LRRC17: variants seen among roughly 807,000 people sequenced by gnomAD.
LRRC17 encodes the protein leucine rich repeat containing 17.
A neutral mutation model predicts 41.5 loss-of-function variants in LRRC17; 33 were observed. That is an observed-to-expected ratio of 0.80 (90% CI 0.60 to 1.06). The LOEUF (loss-of-function observed/expected upper bound fraction) is 1.06, where lower values mean the gene tolerates loss of function less well. Ranked by LOEUF, LRRC17 falls within the 50% of genes least tolerant of loss-of-function variation. The pLI is 0.00. For missense variants in LRRC17, 491 were observed against 519.3 expected (o/e 0.95, Z 0.53); for synonymous variants, 192 against 197.0 (o/e 0.97, Z 0.21).
chr7:102,934,717 G>C lies in LRRC17; in HGVS notation c.772+32G>C, dbSNP rs557836390. The C allele has an allele frequency of 4.6e-6, 7 of 1,523,000 alleles. No individual in the cohort carries two copies. The South Asian group carries it at 9.0e-5, about 19-fold the overall frequency. 94.3% of individuals were successfully genotyped at this position (1,523,000 alleles called of 1,614,324 possible). On this transcript the variant is annotated intron_variant, in intron 2 of 3. Coordinates refer to ENST00000339431, the MANE Select transcript of LRRC17 (RefSeq NM_001031692.3). ...ACTTTTCTTACTTTTTCATTTTCAT[G>C]AATAACTTGAAATGCTCTTTGAATC...
rs1822042359 is a variant in LRRC17 at position 102,944,286 on chromosome 7, A to G, written c.1005A>G (p.Val335=). The G allele has an allele frequency of 6.2e-7, 1 of 1,613,918 alleles. No homozygotes were observed. The highest frequency in any genetic ancestry group is 8.5e-7 in the Non-Finnish European group (1 of 1,179,918). ...NNSLQNFDYG[V]LEDLYFLKLL... The stretch of plus-strand genomic sequence containing the variant: ...GTCTGCAAAACTTTGACTATGGCGT[A>G]TTAGAAGACTTGTATTTTTTGAAAC... Residue 335 remains valine, a synonymous_variant, in exon 4 of 4, where the codon GTA becomes GTG. Coordinates refer to ENST00000339431, the MANE Select transcript of LRRC17 (RefSeq NM_001031692.3).
At chr7:102,928,476 G>A (rs556420772) in intron 1 of LRRC17, among the ~76,000 whole-genome samples, 5 of 152,242 alleles carry the variant, frequency 3.3e-5, no homozygotes, top group East Asian at 3.9e-4. Flanking sequence ...CCCAGTCTAC[G>A]TCTCAAAGGG....
intron 2 of LRRC17, among the ~76,000 whole-genome samples, chr7:102,938,755 A>C (rs981126357): frequency 6.6e-6 from 1 of 152,226 alleles, no homozygotes; most frequent in African/African-American, 2.4e-5. Context: ...TGAAGTTCTA[A>C]GGTAAAAGAA....
chr7:102,927,322 T>C (rs1403564372), intron 1 of LRRC17, among the ~76,000 whole-genome samples: 1 of 152,170 alleles, frequency 6.6e-6, no homozygotes, highest in African/African-American at 2.4e-5. Context: ...CCAGAAAGAA[T>C]AGACCACTGC....
chr7:102,934,356 T>G lies in LRRC17; in HGVS notation c.443T>G (p.Val148Gly), dbSNP rs1291301255. 1.9e-6 allele frequency: 3 copies of G among 1,614,104 alleles called. No individual in the cohort carries two copies. The East Asian group carries it at 6.7e-5, about 36-fold the overall frequency. Residue 148 changes from valine (V) to glycine (G), a missense_variant, in exon 2 of 4, where the codon GTG (valine) becomes GGG (glycine). Physicochemically the swap from Val to Gly is moderately radical, Grantham distance 109. Coordinates refer to ENST00000339431, the MANE Select transcript of LRRC17 (RefSeq NM_001031692.3). ...CAGATCAAAGTCTTGACGGAGGAAG[T>G]GTTCATTTACACACCTCTCTTGAGC... ...HNQIKVLTEE[V>G]FIYTPLLSYL...
At chr7:102,927,843 G>A (rs1172445052) in intron 1 of LRRC17, among the ~76,000 whole-genome samples, 4 of 152,218 alleles carry the variant, frequency 2.6e-5, no homozygotes, top group East Asian at 1.9e-4. Flanking sequence ...GAATAACCAC[G>A]TGTGGCACTG....
chr7:102,944,280 T>C lies in LRRC17; in HGVS notation c.999T>C (p.Tyr333=), dbSNP rs758718590. Residue 333 remains tyrosine, a synonymous_variant, in exon 4 of 4, where the codon TAT becomes TAC. Coordinates refer to ENST00000339431, the MANE Select transcript of LRRC17 (RefSeq NM_001031692.3). Reference sequence around the variant, plus strand: ...ACAACAGTCTGCAAAACTTTGACTATGGCGTATTAGAAGACTTGTATTTTT... The same window carrying C: ...ACAACAGTCTGCAAAACTTTGACTACGGCGTATTAGAAGACTTGTATTTTT... ...LSNNSLQNFD[Y]GVLEDLYFLK... is the part of the protein sequence containing the mutation. 7 of 1,613,922 alleles carry C rather than the reference T, an allele frequency of 4.3e-6. No individual in the cohort carries two copies. Among genetic ancestry groups the C allele is most frequent in the East Asian group, 2.2e-5 (1 of 44,872 alleles).
chr7:102,914,317 C>T (rs1211890643), intron 1 of LRRC17, among the ~76,000 whole-genome samples: 1 of 152,236 alleles, frequency 6.6e-6, no homozygotes, highest in Non-Finnish European at 1.5e-5. Flanking sequence ...AGGTGATCCA[C>T]CCGCCTTGGC....
intron 2 of LRRC17, among the ~76,000 whole-genome samples, chr7:102,935,443 T>A (rs1449514610): frequency 1.3e-5 from 2 of 151,970 alleles, no homozygotes; most frequent in Non-Finnish European, 2.9e-5. Flanking sequence ...TTACCCAGAA[T>A]AAAACAATAA....
rs537835923 is a variant in LRRC17 at position 102,929,200 on chromosome 7, T to C, written c.-140-4574T>C. Among the ~76,000 whole-genome samples, 6 of 152,300 alleles carry C rather than the reference T, an allele frequency of 3.9e-5. No individual in the cohort carries two copies. The East Asian group carries it at 1.2e-3, about 29-fold the overall frequency. On this transcript the variant is annotated intron_variant, in intron 1 of 3. Coordinates refer to ENST00000339431, the MANE Select transcript of LRRC17 (RefSeq NM_001031692.3). ...TAATGCCTTCCATGTTTTGAAAAGATGTTTTACTGTGGAAATGGGATGGAT... is the reference window on the plus strand; with the variant it reads ...TAATGCCTTCCATGTTTTGAAAAGACGTTTTACTGTGGAAATGGGATGGAT...
Position 102,937,919 on chromosome 7 carries a change from G to A in LRRC17, c.773-1511G>A, listed in dbSNP as rs567677376. The stretch of plus-strand genomic sequence containing the variant: ...ATTCCCCAACTCGGAGTTGAGACTT[G>A]CCCAGCTGACTTGCAATGAGTCAGA... On this transcript the variant is annotated intron_variant, in intron 2 of 3. Transcript: ENST00000339431. 2.0e-5 allele frequency among the ~76,000 whole-genome samples: 3 copies of A among 152,302 alleles called. No individual in the cohort carries two copies. The East Asian group carries it at 5.8e-4, about 29-fold the overall frequency.
chr7:102,914,009 C>T (rs981427605), intron 1 of LRRC17, among the ~76,000 whole-genome samples: 10 of 152,144 alleles, frequency 6.6e-5, no homozygotes, highest in Non-Finnish European at 1.2e-4. Flanking sequence ...TACTACCATA[C>T]GAGGGCTCGC....
At chr7:102,939,726 T>A in intron 3 of LRRC17, 141 bp downstream of exon 3, 1 of 772,854 alleles carries the variant, frequency 1.3e-6, no homozygotes, top group South Asian at 2.7e-5. Context: ...AACATGACAC[T>A]TATACTAGGA....
At position 102,924,194 on chromosome 7, in the gene LRRC17, C is replaced by T. The variant is rs1414047676; in HGVS notation, c.-140-9580C>T. Among the ~76,000 whole-genome samples, 6 of 150,230 alleles carry T rather than the reference C, an allele frequency of 4.0e-5. No homozygotes were observed. The East Asian group carries it at 7.8e-4, about 20-fold the overall frequency. On this transcript the variant is annotated intron_variant, in intron 1 of 3. Transcript: ENST00000339431. ...CGAAGGTTGCGGTGAGCTGAGATTG[C>T]GCCATTGCACTCCACCCTGGGCAAC...
chr7:102,932,686 C>CCAGGCT (rs1819452176), intron 1 of LRRC17, among the ~76,000 whole-genome samples: 1 of 144,424 alleles, frequency 6.9e-6, no homozygotes, highest in African/African-American at 2.5e-5. Context: ...CCTCAACCTC[C>CCAGGCT]CAGGCTCAGG....
intron 1 of LRRC17, among the ~76,000 whole-genome samples, chr7:102,932,716 A>G (rs1585008391): frequency 1.3e-5 from 2 of 151,962 alleles, no homozygotes; most frequent in African/African-American, 4.8e-5. Context: ...CACTTCAGCA[A>G]CCCCTACTGT....
At chr7:102,939,292 T>C (rs1004689098) in intron 2 of LRRC17, 138 bp from the exon 3 acceptor site, 2 of 663,822 alleles carry the variant, frequency 3.0e-6, no homozygotes, top group Non-Finnish European at 5.0e-6. Context: ...GCTTGTTTCA[T>C]ACTAACTTTC....
intron 2 of LRRC17, among the ~76,000 whole-genome samples, chr7:102,938,381 G>A (rs559167544): frequency 6.6e-6 from 1 of 152,302 alleles, no homozygotes; most frequent in East Asian, 1.9e-4. Flanking sequence ...GGCCATTTAT[G>A]TCTCTTTTCT....
chr7:102,913,456 T>C (rs1313680493), intron 1 of LRRC17, among the ~76,000 whole-genome samples: 1 of 152,228 alleles, frequency 6.6e-6, no homozygotes, highest in African/African-American at 2.4e-5. Flanking sequence ...AATAGTTCAA[T>C]AATATTTGCC....
Sources: gnomAD v4.1 joint callset for allele counts (sites outside exome capture counted in the v4.1 genomes callset) on GRCh38, gnomAD v4.1.1 for gene constraint, MANE v1.5 for transcripts, NCBI Gene and HGNC (gene_info 2026-07-23, HGNC 2026-07-21) for gene names.